Variants in UBAP2 observed in about 807,000 individuals in gnomAD.
UBAP2 encodes ubiquitin-associated protein 2.
Under a neutral mutation model 139.6 loss-of-function variants are expected in UBAP2, and 75 were observed. The ratio of observed to expected loss-of-function variants is 0.54; its 90% confidence interval spans 0.45 to 0.65. The LOEUF is 0.65. Among genes scored for constraint, UBAP2 ranks in the 30% least tolerant of loss-of-function variants. UBAP2 has a pLI of 0.00. For synonymous variants in UBAP2, 526 were observed against 526.2 expected (o/e 1.00, Z 0.01); for missense variants, 1,368 against 1,369.6 (o/e 1.00, Z 0.02).
chr9:33,967,354 G>C (rs889607886), intron 8 of UBAP2, among the ~76,000 whole-genome samples: 2 of 152,164 alleles, frequency 1.3e-5, no homozygotes, highest in Admixed American at 1.3e-4. Flanking sequence ...CTCCAGTACA[G>C]TGTGAATGGA....
intron 16 of UBAP2, among the ~76,000 whole-genome samples, chr9:33,939,249 A>T (rs1328423401): frequency 2.3e-5 from 3 of 132,286 alleles, no homozygotes; most frequent in Non-Finnish European, 3.1e-5. Flanking sequence ...GCTGGAGTGC[A>T]ACGGTGTGAT....
At chr9:33,981,205 GATAT>G (rs376947939) in intron 6 of UBAP2, among the ~76,000 whole-genome samples, 3 of 3,684 alleles carry the variant, frequency 8.1e-4, no homozygotes, top group Non-Finnish European at 1.4e-3. Context: ...ATATATTCTG[GATAT>G]ATATATATAT....
At chr9:33,938,004 T>C (rs1237122539) in intron 16 of UBAP2, among the ~76,000 whole-genome samples, 2 of 152,144 alleles carry the variant, frequency 1.3e-5, no homozygotes, top group South Asian at 2.1e-4. Flanking sequence ...TTTGTTTTTT[T>C]GTTTTTGTTT....
At chr9:34,040,001 T>A (rs1826913708) in intron 1 of UBAP2, among the ~76,000 whole-genome samples, 4 of 151,466 alleles carry the variant, frequency 2.6e-5, no homozygotes, top group Admixed American at 2.6e-4. Context: ...CTACTAAAAG[T>A]ACAAAATTAG....
intron 2 of UBAP2, among the ~76,000 whole-genome samples, chr9:34,005,408 C>G (rs912877056): frequency 7.0e-6 from 1 of 143,314 alleles, no homozygotes; most frequent in East Asian, 2.0e-4. Flanking sequence ...GCACTCCAGC[C>G]TGGAAGCCAG....
chr9:33,950,054 T>C (rs577734734), intron 12 of UBAP2, among the ~76,000 whole-genome samples: 5 of 147,816 alleles, frequency 3.4e-5, no homozygotes, highest in African/African-American at 1.3e-4. Context: ...TCATCAAAAA[T>C]AACATTTCTT....
intron 18 of UBAP2, 151 bp downstream of exon 18, chr9:33,933,338 TG>T: frequency 3.2e-6 from 3 of 937,072 alleles, no homozygotes; most frequent in Non-Finnish European, 3.1e-6. Context: ...AGGAACAACC[TG>T]GCCAAAACCT....
At position 33,989,014 on chromosome 9, in the gene UBAP2, T is replaced by C. The variant is rs1169104124; in HGVS notation, c.401A>G (p.Asn134Ser). ...GCCGCCTCTTCCTTTCCGGTTGTTG[T>C]TTCCACGTCCACGACTCGATTCTTT... is the stretch of plus-strand genomic sequence containing the variant. ...SEKESSRGRGNNNRKGRGGNR... is the reference protein window; with the variant it reads ...SEKESSRGRGSNNRKGRGGNR... Residue 134 changes from asparagine to serine, a missense_variant, in exon 5 of 29, where the codon AAC (asparagine) becomes AGC (serine). Transcript: ENST00000379238. 6.2e-7 allele frequency: 1 copy of C among 1,613,872 alleles called. No homozygotes were observed. Among genetic ancestry groups the C allele is most frequent in the Admixed American group, 1.7e-5 (1 of 59,918 alleles).
At chr9:33,925,806 C>G (rs1823377937) in intron 22 of UBAP2, among the ~76,000 whole-genome samples, 1 of 152,224 alleles carries the variant, frequency 6.6e-6, no homozygotes, top group South Asian at 2.1e-4. Flanking sequence ...AAGCCTCTTC[C>G]TCCAGCAACA....
chr9:33,986,339 T>G (rs1236385533), intron 6 of UBAP2, among the ~76,000 whole-genome samples: 1 of 152,138 alleles, frequency 6.6e-6, no homozygotes, highest in Non-Finnish European at 1.5e-5. Flanking sequence ...AATTACGTAT[T>G]ATACACTTCA....
In UBAP2 at chr9:33,927,083, GTA is replaced by G; in HGVS notation, c.2372-5_2372-4del. ...AGGTAAGTTTGGGGGTGCTTTGCCT[GTA>G]TAGAGGGAAAAATCAAATGGAGTGA... On this transcript the variant is annotated splice_polypyrimidine_tract_variant and splice_region_variant and intron_variant, in intron 20 of 28. Transcript: ENST00000379238. The G allele has an allele frequency of 2.5e-6, 4 of 1,606,258 alleles. No homozygotes were observed. The highest frequency in any genetic ancestry group is 3.4e-6 in the Non-Finnish European group (4 of 1,176,284).
At chr9:34,025,644 C>T (rs188199479) in intron 1 of UBAP2, among the ~76,000 whole-genome samples, 103 of 152,276 alleles carry the variant, frequency 6.8e-4, no homozygotes, top group African/African-American at 2.5e-3. Context: ...AAGAAAGTCT[C>T]CGGCCGAATA....
Position 33,922,757 on chromosome 9 carries a change from A to T in UBAP2, c.3194T>A (p.Leu1065Gln). The stretch of plus-strand genomic sequence containing the variant: ...CTGCTGGTGGGCTGGCAAGATGTGT[A>T]GGAATGGTGGGGGTGCATAGCCAGG... ...AAPGYAPPPF[L>Q]HILPAHQQPH... The change falls in exon 28 of 29, where the codon CTA becomes CAA. Residue 1065 changes from leucine to glutamine, a missense_variant. Physicochemically the swap from Leu to Gln is moderately radical, Grantham distance 113 (BLOSUM62 -2). Coordinates refer to ENST00000379238, the MANE Select transcript of UBAP2 (RefSeq NM_001370062.2). 1 of 1,559,540 alleles carries T rather than the reference A, an allele frequency of 6.4e-7. No individual in the cohort carries two copies. The highest frequency in any genetic ancestry group is 8.7e-7 in the Non-Finnish European group (1 of 1,153,836).
In UBAP2 at chr9:34,021,006, A is replaced by C. The variant is rs149887417; in HGVS notation, c.-41-3817T>G. 8.8e-4 allele frequency among the ~76,000 whole-genome samples: 134 copies of C among 152,302 alleles called. No homozygotes were observed. In the East Asian group the frequency reaches 0.023, roughly 26 times the overall value. ...ACACCCAAAAGCAAGCATTCCCATG[A>C]TGTGGAAAGATATTCCACTATTTGT... On this transcript the variant is annotated intron_variant, in intron 1 of 28. Coordinates refer to ENST00000379238, the MANE Select transcript of UBAP2 (RefSeq NM_001370062.2).
At chr9:33,939,419 G>C (rs915372041) in intron 16 of UBAP2, among the ~76,000 whole-genome samples, 1 of 151,448 alleles carries the variant, frequency 6.6e-6, no homozygotes, top group Admixed American at 6.6e-5. Flanking sequence ...GGCTGGTCTC[G>C]AACTCCTGAT....
intron 6 of UBAP2, among the ~76,000 whole-genome samples, chr9:33,978,375 TA>T (rs879888496): frequency 6.6e-6 from 1 of 150,442 alleles, no homozygotes; most frequent in Non-Finnish European, 1.5e-5. Flanking sequence ...TTCTCTACCT[TA>T]AAAAAAAAAT....
At chr9:34,030,723 G>A (rs150108118) in intron 1 of UBAP2, among the ~76,000 whole-genome samples, 12,000 of 151,750 alleles carry the variant, frequency 0.079, 680 homozygotes, top group Non-Finnish European at 0.12. Flanking sequence ...TCAGGTGATC[G>A]AGACCATCCT....
At chr9:33,947,431 G>A (rs1297232108) in intron 13 of UBAP2, among the ~76,000 whole-genome samples, 1 of 152,160 alleles carries the variant, frequency 6.6e-6, no homozygotes, top group Admixed American at 6.5e-5. Context: ...CTACACATGG[G>A]ACCTTTACAA....
intron 8 of UBAP2, among the ~76,000 whole-genome samples, chr9:33,965,915 G>A (rs1179477801): frequency 6.6e-6 from 1 of 152,000 alleles, no homozygotes; most frequent in African/African-American, 2.4e-5. Flanking sequence ...CAGGTGTGGT[G>A]GCGGGTGCCT....
Sources: allele counts gnomAD v4.1 joint callset (sites outside exome capture counted in the v4.1 genomes callset), GRCh38; gene constraint gnomAD v4.1.1; transcripts MANE v1.5; gene names NCBI Gene and HGNC (gene_info 2026-07-23, HGNC 2026-07-21).